The following PRMT3 variants were observed in gnomAD, a reference collection of about 807,000 sequenced individuals.
PRMT3 encodes protein arginine N-methyltransferase 3.
In PRMT3, 62 loss-of-function variants were observed where a neutral mutation model predicts 71.9. The ratio of observed to expected loss-of-function variants is 0.86; its 90% CI spans 0.70 to 1.07. PRMT3 has a LOEUF of 1.07. Among genes scored for constraint, PRMT3 ranks in the 50% least tolerant of loss-of-function variants. The pLI is 0.00. For synonymous variants in PRMT3, 213 were observed against 220.4 expected (o/e 0.97, Z 0.30); for missense variants, 663 against 643.0 (o/e 1.03, Z -0.34).
chr11:20,389,396 G>T (rs943476050), intron 2 of PRMT3, among the ~76,000 whole-genome samples: 2 of 152,122 alleles, frequency 1.3e-5, no homozygotes, highest in African/African-American at 4.8e-5. Context: ...GAGGAGAAAA[G>T]AATCTCAAGT....
chr11:20,448,909 A>G (rs1850089061), intron 10 of PRMT3, among the ~76,000 whole-genome samples: 1 of 152,200 alleles, frequency 6.6e-6, no homozygotes. Context: ...TTCTCCTTCC[A>G]GATGGCACCC....
intron 15 of PRMT3, among the ~76,000 whole-genome samples, chr11:20,498,396 C>T (rs1851381031): frequency 6.6e-6 from 1 of 152,080 alleles, no homozygotes; most frequent in African/African-American, 2.4e-5. Context: ...TAAAATGAAA[C>T]ATCATGTAGA....
At chr11:20,393,291 C>T (rs1848756779) in intron 5 of PRMT3, among the ~76,000 whole-genome samples, 1 of 152,042 alleles carries the variant, frequency 6.6e-6, no homozygotes, top group African/African-American at 2.4e-5. Context: ...ACTAAAAATA[C>T]AAAAAATTAG....
intron 13 of PRMT3, among the ~76,000 whole-genome samples, chr11:20,477,717 C>T (rs1180080200): frequency 1.3e-5 from 2 of 151,804 alleles, no homozygotes; most frequent in East Asian, 3.9e-4. Flanking sequence ...GCAGTAGCTT[C>T]TGGAATAGCA....
chr11:20,397,456 T>G, intron 6 of PRMT3, 121 bp from the exon 7 acceptor site: 1 of 937,364 alleles, frequency 1.1e-6, no homozygotes, highest in Middle Eastern at 2.3e-4. Flanking sequence ...CAAGATAGAA[T>G]GTGATTTAGA....
intron 7 of PRMT3, among the ~76,000 whole-genome samples, chr11:20,398,134 T>C (rs1417540093): frequency 1.3e-5 from 2 of 152,108 alleles, no homozygotes; most frequent in African/African-American, 2.4e-5. Flanking sequence ...ACAATTTTAG[T>C]CTTCTCAAGG....
chr11:20,411,378 T>G (rs970087944), intron 9 of PRMT3, among the ~76,000 whole-genome samples: 1 of 152,134 alleles, frequency 6.6e-6, no homozygotes, highest in African/African-American at 2.4e-5. Context: ...AAGTAGGAAG[T>G]ACATATGTCA....
intron 2 of PRMT3, 146 bp from the exon 3 acceptor site, chr11:20,389,598 A>C: frequency 5.7e-6 from 3 of 527,156 alleles, no homozygotes; most frequent in Non-Finnish European, 9.9e-6. Flanking sequence ...TTCCTTTCAG[A>C]TACAAGTGTG....
chr11:20,487,562 G>A (rs951186125), intron 13 of PRMT3, among the ~76,000 whole-genome samples: 2 of 152,144 alleles, frequency 1.3e-5, no homozygotes, highest in African/African-American at 4.8e-5. Flanking sequence ...GACTACTAGG[G>A]TGCTGAGATG....
chr11:20,422,657 C>CT (rs1196719798), intron 9 of PRMT3, among the ~76,000 whole-genome samples: 1 of 152,064 alleles, frequency 6.6e-6, no homozygotes, highest in Non-Finnish European at 1.5e-5. Context: ...TGCCAGTTTT[C>CT]TTTTTTTAAA....
chr11:20,432,760 A>C (rs564485157), intron 10 of PRMT3, among the ~76,000 whole-genome samples: 47 of 152,290 alleles, frequency 3.1e-4, no homozygotes, highest in African/African-American at 1.0e-3. Flanking sequence ...ACTGGCATGA[A>C]ATAATATCAC....
chr11:20,439,929 C>A (rs771917438), intron 10 of PRMT3, among the ~76,000 whole-genome samples: 2 of 152,132 alleles, frequency 1.3e-5, no homozygotes, highest in African/African-American at 4.8e-5. Flanking sequence ...CAAAGACTGA[C>A]AAACAGACCT....
intron 13 of PRMT3, among the ~76,000 whole-genome samples, chr11:20,486,819 G>A (rs969372980): frequency 1.3e-5 from 2 of 152,106 alleles, no homozygotes; most frequent in Non-Finnish European, 2.9e-5. Flanking sequence ...CACTTCGGCA[G>A]GGCGAAGCAG....
intron 7 of PRMT3, among the ~76,000 whole-genome samples, chr11:20,399,829 T>G (rs1360563146): frequency 6.6e-6 from 1 of 152,206 alleles, no homozygotes; most frequent in Non-Finnish European, 1.5e-5. Context: ...CCTTTCAATG[T>G]ACATATAGAT....
chr11:20,455,364 G>A lies in PRMT3; in HGVS notation c.1072+3156G>A, dbSNP rs149983955. On this transcript the variant is annotated intron_variant, in intron 11 of 15. Coordinates refer to ENST00000331079, the MANE Select transcript of PRMT3 (RefSeq NM_005788.4). ...TTATTTAAAGCTGATGGATCAAGTA[G>A]TAGAATTATTAAGTACATTTAGCAC... is the stretch of plus-strand genomic sequence containing the variant. Among the ~76,000 whole-genome samples, 650 of 152,232 alleles carry A rather than the reference G, an allele frequency of 4.3e-3. 3 individuals carry two copies. The highest frequency in any genetic ancestry group is 5.8e-3 in the Non-Finnish European group (396 of 67,958).
intron 13 of PRMT3, among the ~76,000 whole-genome samples, chr11:20,481,139 A>G (rs1376450847): frequency 1.3e-5 from 2 of 152,084 alleles, no homozygotes; most frequent in African/African-American, 4.8e-5. Context: ...ATGAGGATGT[A>G]TTTTTTAACC....
intron 6 of PRMT3, among the ~76,000 whole-genome samples, chr11:20,397,021 C>T (rs1303303337): frequency 3.3e-5 from 5 of 152,146 alleles, no homozygotes; most frequent in Non-Finnish European, 7.3e-5. Context: ...ACCAAGTAAC[C>T]AACACCAGCT....
intron 3 of PRMT3, among the ~76,000 whole-genome samples, chr11:20,390,149 C>CAA (rs10634828): frequency 0.011 from 1,662 of 145,498 alleles, 37 homozygotes; most frequent in African/African-American, 0.037. Flanking sequence ...AGACTCTTCT[C>CAA]AAAAAAAAAA....
intron 13 of PRMT3, among the ~76,000 whole-genome samples, chr11:20,493,640 T>TTG (rs10677985): frequency 0.068 from 10,377 of 152,322 alleles, 500 homozygotes; most frequent in Admixed American, 0.15. Flanking sequence ...TCTCCATGTG[T>TTG]GTTCACCTTT....
Sources: allele counts gnomAD v4.1 joint callset (sites outside exome capture counted in the v4.1 genomes callset), GRCh38; gene constraint gnomAD v4.1.1; transcripts MANE v1.5; gene names NCBI Gene and HGNC (gene_info 2026-07-23, HGNC 2026-07-21).